Variants in TMC1 observed in about 807,000 individuals in gnomAD.
TMC1 encodes transmembrane channel like 1.
TMC1 carries 84 observed loss-of-function variants against 105.8 expected under a neutral mutation model. The observed-to-expected ratio is 0.79, with a 90% CI of 0.67 to 0.95. The LOEUF is 0.95. TMC1 is among the 40% of genes least tolerant of loss of function. The pLI, the probability that TMC1 is intolerant of heterozygous loss-of-function variation, is 0.00. For missense variants in TMC1, 817 were observed against 914.1 expected (o/e 0.89, Z 1.37); for synonymous variants, 315 against 311.5 (o/e 1.01, Z -0.12).
intron 23 of TMC1, among the ~76,000 whole-genome samples, chr9:72,834,948 G>T (rs563123687): frequency 6.6e-6 from 1 of 151,958 alleles, no homozygotes; most frequent in Non-Finnish European, 1.5e-5. Flanking sequence ...GCAAATTACT[G>T]AACGTTTCAG....
At position 72,772,351 on chromosome 9, in the gene TMC1, G is replaced by T. The variant is rs531200559; in HGVS notation, c.742-62G>T. On this transcript the variant is annotated intron_variant, in intron 12 of 23. Transcript: ENST00000297784. The stretch of plus-strand genomic sequence containing the variant: ...CATTTTGTTATTTCTCTTAAGAGTT[G>T]ATCTTTTCCTTTGAGTTGCTCTTCA... 3.7e-6 allele frequency: 6 copies of T among 1,605,474 alleles called. No homozygotes were observed. The South Asian group carries it at 5.5e-5, about 15-fold the overall frequency.
chr9:72,576,683 T>C (rs994122869), intron 1 of TMC1, among the ~76,000 whole-genome samples: 3 of 148,236 alleles, frequency 2.0e-5, no homozygotes, highest in Non-Finnish European at 4.4e-5. Context: ...TGGAGTGCAG[T>C]GGCACGATCT....
intron 10 of TMC1, among the ~76,000 whole-genome samples, chr9:72,746,539 C>G (rs1354754215): frequency 6.6e-6 from 1 of 152,002 alleles, no homozygotes; most frequent in African/African-American, 2.4e-5. Flanking sequence ...ACTCTCTGCT[C>G]AGTATCTAGA....
intron 2 of TMC1, among the ~76,000 whole-genome samples, chr9:72,584,779 C>CTT (rs1824526808): frequency 3.0e-5 from 3 of 101,660 alleles, no homozygotes; most frequent in Admixed American, 1.0e-4. Flanking sequence ...TTTTTCTTTT[C>CTT]TTTTCTTTTT....
At chr9:72,523,136 G>A (rs565205446) in intron 1 of TMC1, among the ~76,000 whole-genome samples, 1 of 152,172 alleles carries the variant, frequency 6.6e-6, no homozygotes, top group Non-Finnish European at 1.5e-5. Flanking sequence ...GCTGGCAGGA[G>A]TGAAGGGAAG....
At position 72,526,536 on chromosome 9, in the gene TMC1, T is replaced by G. The variant is rs571244945; in HGVS notation, c.-428+4623T>G. On this transcript the variant is annotated intron_variant, in intron 1 of 23. Transcript: ENST00000297784. ...CTTGTAAAGGAATTAAACTCTAGGATTCACTCATTTTATAATTGGTATTTT... is the reference window on the plus strand; with the variant it reads ...CTTGTAAAGGAATTAAACTCTAGGAGTCACTCATTTTATAATTGGTATTTT... 2.0e-5 allele frequency among the ~76,000 whole-genome samples: 3 copies of G among 152,334 alleles called. No individual in the cohort carries two copies. In the South Asian group the frequency reaches 6.2e-4, roughly 32 times the overall value.
At chr9:72,762,643 A>C (rs1220563861) in intron 12 of TMC1, among the ~76,000 whole-genome samples, 1 of 152,200 alleles carries the variant, frequency 6.6e-6, no homozygotes, top group Non-Finnish European at 1.5e-5. Flanking sequence ...TAAATTTTCA[A>C]ATCCACCTAG....
chr9:72,651,801 G>A (rs1178700213), intron 5 of TMC1, among the ~76,000 whole-genome samples: 1 of 151,918 alleles, frequency 6.6e-6, no homozygotes, highest in Non-Finnish European at 1.5e-5. Context: ...AACAGGTGGT[G>A]TTTGGTTACA....
At chr9:72,706,606 A>T (rs902695197) in intron 8 of TMC1, among the ~76,000 whole-genome samples, 1 of 152,100 alleles carries the variant, frequency 6.6e-6, no homozygotes, top group Non-Finnish European at 1.5e-5. Flanking sequence ...CCCAAAGACC[A>T]CTGTATCATT....
At chr9:72,554,016 TCAAA>T (rs903879039) in intron 1 of TMC1, among the ~76,000 whole-genome samples, 9 of 152,332 alleles carry the variant, frequency 5.9e-5, no homozygotes, top group South Asian at 2.1e-4. Context: ...CTCCACTTTC[TCAAA>T]CAGAGCACAA....
At chr9:72,533,535 G>T (rs1399211607) in intron 1 of TMC1, among the ~76,000 whole-genome samples, 3 of 152,166 alleles carry the variant, frequency 2.0e-5, no homozygotes, top group Non-Finnish European at 4.4e-5. Flanking sequence ...TAAATCTAAA[G>T]GAGATGCAGT....
Position 72,835,941 on chromosome 9 carries a change from T to TTTTTAACAGC in TMC1, c.2261-9_2261-8insTTTAACAGCT. On this transcript the variant is annotated splice_polypyrimidine_tract_variant and intron_variant, in intron 23 of 23. Coordinates refer to ENST00000297784, the MANE Select transcript of TMC1 (RefSeq NM_138691.3). ...TTTTTTTTTTTTTTTTTTTTCTGTT[T>TTTTTAACAGC]TGTGAACAGCTGCAGCTGCTGGTCG... 1.2e-6 allele frequency: 2 copies of TTTTTAACAGC among 1,600,026 alleles called. No individual in the cohort carries two copies. The highest frequency in any genetic ancestry group is 1.7e-6 in the Non-Finnish European group (2 of 1,179,170).
chr9:72,688,892 G>A (rs1826417614), intron 6 of TMC1, 136 bp downstream of exon 6: 2 of 780,478 alleles, frequency 2.6e-6, no homozygotes, highest in East Asian at 2.7e-5. Flanking sequence ...TCTCACAGGA[G>A]GAATCAAGTT....
intron 2 of TMC1, among the ~76,000 whole-genome samples, chr9:72,596,539 T>TAAAAAAAAAAAAAAAAAAAAAAAAAA (rs35140344): frequency 9.8e-6 from 1 of 102,274 alleles, no homozygotes; most frequent in East Asian, 3.3e-4. Flanking sequence ...GTTTCAATTG[T>TAAAAAAAAAAAAAAAAAAAAAAAAAA]AAAAAAAAAA....
At position 72,694,705 on chromosome 9, in the gene TMC1, A is replaced by G. The variant is rs778543840; in HGVS notation, c.227A>G (p.Lys76Arg). The change falls in exon 7 of 24, where the codon AAG becomes AGG. Residue 76 changes from lysine (K) to arginine (R), a missense_variant. Coordinates refer to ENST00000297784, the MANE Select transcript of TMC1 (RefSeq NM_138691.3). ...AREKERRRRL[K>R]RGAEEEEIDE... The stretch of plus-strand genomic sequence containing the variant: ...GAAAAAGAGAGGAGGAGGAGGCTAA[A>G]GAGAGGAGCGTAAGTTAGTTCTGAT... The G allele has an allele frequency of 6.2e-6, 10 of 1,609,240 alleles. 1 individual carries two copies. The South Asian group carries it at 1.1e-4, about 18-fold the overall frequency.
intron 1 of TMC1, among the ~76,000 whole-genome samples, chr9:72,537,517 A>AAT (rs2132061711): frequency 6.6e-6 from 1 of 152,324 alleles, no homozygotes; most frequent in South Asian, 2.1e-4. Context: ...ATTTACAATT[A>AAT]AAAGCAGTGT....
At chr9:72,601,195 GACACACACAC>G (rs71357599) in intron 2 of TMC1, among the ~76,000 whole-genome samples, 1 of 93,702 alleles carries the variant, frequency 1.1e-5, no homozygotes, top group East Asian at 3.5e-4. Flanking sequence ...CACACACACA[GACACACACAC>G]ACACACACAC....
At chr9:72,738,130 G>T (rs997473460) in intron 8 of TMC1, among the ~76,000 whole-genome samples, 26 of 152,232 alleles carry the variant, frequency 1.7e-4, no homozygotes, top group Admixed American at 4.6e-4. Flanking sequence ...TCAATGCAAT[G>T]GTCAATGCTA....
chr9:72,675,135 A>G (rs1208627736), intron 5 of TMC1, among the ~76,000 whole-genome samples: 1 of 152,112 alleles, frequency 6.6e-6, no homozygotes, highest in Non-Finnish European at 1.5e-5. Flanking sequence ...AGATTTCATG[A>G]CACATGAGAC....
Sources: allele counts gnomAD v4.1 joint callset (sites outside exome capture counted in the v4.1 genomes callset), GRCh38; gene constraint gnomAD v4.1.1; transcripts MANE v1.5; gene names NCBI Gene and HGNC (gene_info 2026-07-23, HGNC 2026-07-21).